Variants in ADAMTS3 observed in about 807,000 individuals in gnomAD.
ADAMTS3 encodes ADAM metallopeptidase with thrombospondin type 1 motif 3.
In ADAMTS3, 73 loss-of-function variants were observed where a neutral mutation model predicts 129.0. That is an observed-to-expected ratio of 0.57 (90% confidence interval 0.47 to 0.69). The LOEUF (loss-of-function observed/expected upper bound fraction) is 0.69. ADAMTS3 is among the 30% of genes least tolerant of loss of function. ADAMTS3 has a pLI of 0.00. For missense variants in ADAMTS3, 1,457 were observed against 1,514.5 expected (o/e 0.96, Z 0.63); for synonymous variants, 477 against 510.8 (o/e 0.93, Z 0.89).
intron 3 of ADAMTS3, among the ~76,000 whole-genome samples, chr4:72,530,771 T>TAC (rs1721014572): frequency 3.0e-3 from 4 of 1,316 alleles, no homozygotes; most frequent in Non-Finnish European, 0.011. Flanking sequence ...ATATAGATTA[T>TAC]ATATATTATA....
At chr4:72,517,965 T>G (rs1036458886) in intron 3 of ADAMTS3, among the ~76,000 whole-genome samples, 1 of 151,632 alleles carries the variant, frequency 6.6e-6, no homozygotes, top group Non-Finnish European at 1.5e-5. Context: ...CTTTCTCTTG[T>G]GGGCATTTAG....
chr4:72,390,066 A>G (rs754126009), intron 4 of ADAMTS3, among the ~76,000 whole-genome samples: 14 of 152,174 alleles, frequency 9.2e-5, no homozygotes, highest in Non-Finnish European at 2.1e-4. Flanking sequence ...AAATGAGAGA[A>G]AATCTATTTC....
intron 3 of ADAMTS3, among the ~76,000 whole-genome samples, chr4:72,425,641 A>G (rs1722552329): frequency 6.6e-6 from 1 of 152,164 alleles, no homozygotes; most frequent in African/African-American, 2.4e-5. Context: ...AGCTTCATCC[A>G]CGTCCCTAAA....
At chr4:72,479,484 T>C (rs1022270107) in intron 3 of ADAMTS3, among the ~76,000 whole-genome samples, 7 of 152,148 alleles carry the variant, frequency 4.6e-5, no homozygotes, top group African/African-American at 1.7e-4. Context: ...GAAAACTGGC[T>C]AGCCATATGT....
At chr4:72,420,491 C>T (rs1008153186) in intron 3 of ADAMTS3, among the ~76,000 whole-genome samples, 2 of 152,180 alleles carry the variant, frequency 1.3e-5, no homozygotes, top group Non-Finnish European at 2.9e-5. Flanking sequence ...CAACCCAGCA[C>T]CCCAAGCCTC....
At chr4:72,501,996 C>T (rs1397707050) in intron 3 of ADAMTS3, among the ~76,000 whole-genome samples, 2 of 152,076 alleles carry the variant, frequency 1.3e-5, no homozygotes, top group Admixed American at 1.3e-4. Flanking sequence ...TTTTGATGTG[C>T]TGCTGGATTT....
chr4:72,530,715 T>G (rs1483180083), intron 3 of ADAMTS3, among the ~76,000 whole-genome samples: 1 of 93,470 alleles, frequency 1.1e-5, no homozygotes, highest in Non-Finnish European at 1.9e-5. Flanking sequence ...ATATATTATA[T>G]ATAATATTAT....
chr4:72,363,722 C>T (rs1720788186), intron 4 of ADAMTS3, among the ~76,000 whole-genome samples: 1 of 151,342 alleles, frequency 6.6e-6, no homozygotes, highest in Non-Finnish European at 1.5e-5. Context: ...CAATAGAAGG[C>T]CTCATACCAA....
At chr4:72,444,826 A>G (rs1036121381) in intron 3 of ADAMTS3, among the ~76,000 whole-genome samples, 1 of 151,800 alleles carries the variant, frequency 6.6e-6, no homozygotes, top group East Asian at 2.0e-4. Context: ...ATGGGTAAAT[A>G]AAATATGGTA....
At chr4:72,367,781 C>T (rs952771322) in intron 4 of ADAMTS3, among the ~76,000 whole-genome samples, 6 of 147,774 alleles carry the variant, frequency 4.1e-5, no homozygotes, top group Admixed American at 2.7e-4. Flanking sequence ...ACCCGGGAGG[C>T]GGAGCTTGCA....
intron 3 of ADAMTS3, among the ~76,000 whole-genome samples, chr4:72,530,813 T>G (rs1192824515): frequency 3.4e-5 from 4 of 119,350 alleles, no homozygotes; most frequent in African/African-American, 1.3e-4. Context: ...TATTATATAT[T>G]ATATATTATA....
chr4:72,363,167 G>A (rs747527453), intron 4 of ADAMTS3, among the ~76,000 whole-genome samples: 2 of 151,924 alleles, frequency 1.3e-5, no homozygotes, highest in Non-Finnish European at 1.5e-5. Flanking sequence ...AGTCAAGTAT[G>A]GTCTCAGATT....
At chr4:72,509,180 T>C (rs788931) in intron 3 of ADAMTS3, among the ~76,000 whole-genome samples, 97,701 of 151,058 alleles carry the variant, frequency 0.65, 32,005 homozygotes, top group African/African-American at 0.76. Flanking sequence ...AGAGAAAAAA[T>C]TTTAAATAAA....
chr4:72,520,546 CG>C (rs1287942196), intron 3 of ADAMTS3, among the ~76,000 whole-genome samples: 1 of 152,190 alleles, frequency 6.6e-6, no homozygotes, highest in Non-Finnish European at 1.5e-5. Context: ...TGGGCAATGG[CG>C]GGCGCCCCTC....
intron 3 of ADAMTS3, among the ~76,000 whole-genome samples, chr4:72,526,290 A>C (rs1231076384): frequency 6.6e-6 from 1 of 152,170 alleles, no homozygotes; most frequent in Non-Finnish European, 1.5e-5. Flanking sequence ...CTTTAGCAGC[A>C]GAGGATAAGG....
At chr4:72,420,985 G>A (rs1399678765) in intron 3 of ADAMTS3, among the ~76,000 whole-genome samples, 1 of 152,154 alleles carries the variant, frequency 6.6e-6, no homozygotes, top group African/African-American at 2.4e-5. Context: ...CTTCTCAGGG[G>A]CAATAGCTAA....
intron 4 of ADAMTS3, among the ~76,000 whole-genome samples, chr4:72,364,799 G>C (rs1366990902): frequency 1.3e-5 from 2 of 151,970 alleles, no homozygotes; most frequent in Non-Finnish European, 2.9e-5. Context: ...CTGTTGCCCA[G>C]GCTGGTCTCA....
chr4:72,289,954 C>T (rs1449290953), intron 20 of ADAMTS3, among the ~76,000 whole-genome samples: 1 of 152,128 alleles, frequency 6.6e-6, no homozygotes, highest in Non-Finnish European at 1.5e-5. Flanking sequence ...AGACAACTTG[C>T]TTGTTTCTTC....
intron 4 of ADAMTS3, among the ~76,000 whole-genome samples, chr4:72,387,679 T>G (rs1211274930): frequency 6.6e-6 from 1 of 152,114 alleles, no homozygotes; most frequent in Non-Finnish European, 1.5e-5. Flanking sequence ...AGTTTTGGGG[T>G]GAACTTCCTA....
Sources: allele counts gnomAD v4.1 joint callset (sites outside exome capture counted in the v4.1 genomes callset), GRCh38; gene constraint gnomAD v4.1.1; transcripts MANE v1.5; gene names NCBI Gene and HGNC (gene_info 2026-07-23, HGNC 2026-07-21).